Variants in KAZN observed in about 807,000 individuals in gnomAD.
The protein encoded by KAZN is kazrin.
KAZN carries 40 observed loss-of-function variants against 87.4 expected under a neutral mutation model. The ratio of observed to expected loss-of-function variants is 0.46; its 90% CI spans 0.36 to 0.60. The LOEUF (loss-of-function observed/expected upper bound fraction) is 0.60, where lower values mean the gene tolerates loss of function less well. KAZN is among the 20% of genes least tolerant of loss of function. The pLI, the probability that KAZN is intolerant of heterozygous loss-of-function variation, is 0.00. For missense variants in KAZN, 898 were observed against 1,073.9 expected, an observed-to-expected ratio of 0.84 and a Z score of 2.29; for synonymous variants, 466 against 458.3, an observed-to-expected ratio of 1.02 and a Z score of -0.22.
chr1:15,110,418 C>T (rs1244243291), intron 13 of KAZN, among the ~76,000 whole-genome samples: 1 of 128,530 alleles, frequency 7.8e-6, no homozygotes, highest in African/African-American at 2.8e-5. Flanking sequence ...TTTGTGTGTG[C>T]GCATATGTGT....
At chr1:14,395,007 A>ACT (rs1662775527) in intron 2 of KAZN, among the ~76,000 whole-genome samples, 1 of 152,180 alleles carries the variant, frequency 6.6e-6, no homozygotes, top group Non-Finnish European at 1.5e-5. Flanking sequence ...AGACTGCCTA[A>ACT]CTCACCTCTG....
At chr1:13,954,580 T>C (rs969287581) in intron 1 of KAZN, among the ~76,000 whole-genome samples, 4 of 151,832 alleles carry the variant, frequency 2.6e-5, no homozygotes, top group African/African-American at 7.3e-5. Flanking sequence ...TGTTCATGCA[T>C]GTCAACTCAT....
intron 2 of KAZN, among the ~76,000 whole-genome samples, chr1:14,542,795 C>T (rs1195626541): frequency 6.6e-6 from 1 of 152,174 alleles, no homozygotes; most frequent in Non-Finnish European, 1.5e-5. Flanking sequence ...ACTTCAGTGT[C>T]GACTCACCCC....
In KAZN at chr1:15,081,509, G is replaced by A. The variant is rs539032024; in HGVS notation, c.1223-12671G>A. Reference sequence around the variant, plus strand: ...TCATCGAATAATTACACAACTGTTCGTTTCAGCTGTGAGAGATGTCATGCA... The same window carrying A: ...TCATCGAATAATTACACAACTGTTCATTTCAGCTGTGAGAGATGTCATGCA... On this transcript the variant is annotated intron_variant, in intron 8 of 14. Coordinates refer to ENST00000376030, the MANE Select transcript of KAZN (RefSeq NM_201628.3). The surrounding 1 kb of genome is among the most constrained non-coding windows in gnomAD (Gnocchi z 4.1). 6.6e-5 allele frequency among the ~76,000 whole-genome samples: 10 copies of A among 152,268 alleles called. No homozygotes were observed. The highest frequency in any genetic ancestry group is 2.1e-4 in the South Asian group (1 of 4,806).
chr1:15,005,822 G>A (rs569576224), intron 2 of KAZN, among the ~76,000 whole-genome samples: 1 of 152,180 alleles, frequency 6.6e-6, no homozygotes, highest in African/African-American at 2.4e-5. Flanking sequence ...AACCTAAAGG[G>A]CATTAGTGTT....
chr1:14,028,551 G>A (rs1570564801), intron 1 of KAZN, among the ~76,000 whole-genome samples: 2 of 152,210 alleles, frequency 1.3e-5, no homozygotes, highest in East Asian at 1.9e-4. Context: ...AGCTGGGTTA[G>A]AGCTGAGACA....
intron 2 of KAZN, among the ~76,000 whole-genome samples, chr1:14,550,926 C>G (rs1673478938): frequency 6.6e-6 from 1 of 151,570 alleles, no homozygotes; most frequent in Admixed American, 6.6e-5. Flanking sequence ...GACAACTCTT[C>G]TCCCCGGCAG....
intron 1 of KAZN, among the ~76,000 whole-genome samples, chr1:14,623,984 G>A (rs560781367): frequency 1.3e-5 from 2 of 152,016 alleles, no homozygotes; most frequent in African/African-American, 4.8e-5. Flanking sequence ...ATCATTCCAC[G>A]TGCCCTTGAA....
chr1:14,826,100 G>T (rs954181862), intron 1 of KAZN, among the ~76,000 whole-genome samples: 44 of 152,154 alleles, frequency 2.9e-4, no homozygotes, highest in Admixed American at 2.9e-3. Context: ...CATGCTGGCC[G>T]CTGAGTCCCC....
chr1:15,103,372 G>T lies in KAZN; in HGVS notation c.1793G>T (p.Arg598Leu). The T allele has an allele frequency of 6.4e-7, 1 of 1,551,524 alleles. No homozygotes were observed. Among genetic ancestry groups the T allele is most frequent in the Non-Finnish European group, 8.7e-7 (1 of 1,147,010 alleles). The change falls in exon 12 of 15, where the codon CGC (arginine) becomes CTC (leucine). Residue 598 changes from arginine to leucine, a missense_variant. Arg to Leu is a moderately radical substitution (Grantham distance 102). This residue lies in a region of KAZN where 521 missense variants were observed against 689.4 expected (regional missense o/e 0.76). Coordinates refer to ENST00000376030, the MANE Select transcript of KAZN (RefSeq NM_201628.3). Reference protein sequence around the residue: ...VNFSREALQERRARCETQNID... With the variant: ...VNFSREALQELRARCETQNID... ...TCTCCCCACAAGGCCCTCCAGGAGCGCCGGGCCCGCTGCGAGACGCAGAAC... is the reference window on the plus strand; with the variant it reads ...TCTCCCCACAAGGCCCTCCAGGAGCTCCGGGCCCGCTGCGAGACGCAGAAC...
At chr1:14,175,260 C>T (rs1157304252) in intron 1 of KAZN, among the ~76,000 whole-genome samples, 1 of 152,188 alleles carries the variant, frequency 6.6e-6, no homozygotes, top group African/African-American at 2.4e-5. Flanking sequence ...CCTGCCACTA[C>T]GCCTGGCTGA....
At chr1:14,205,957 C>T (rs1012492776) in intron 2 of KAZN, among the ~76,000 whole-genome samples, 18 of 142,930 alleles carry the variant, frequency 1.3e-4, no homozygotes, top group Non-Finnish European at 2.4e-4. Context: ...ACCAACGTGG[C>T]GCATGTATAC....
In KAZN at chr1:14,180,006, A is replaced by G. The variant is rs1256783603; in HGVS notation, c.92-429A>G. On this transcript the variant is annotated intron_variant, in intron 1 of 16. Transcript: ENST00000636203. ...CAGAGGCCATCTGCTTAGAGGTACA[A>G]TAGCCAACTGTATTACCATAAATGT... Among the ~76,000 whole-genome samples the G allele has an allele frequency of 2.0e-5, 3 of 152,226 alleles. No homozygotes were observed. The South Asian group carries it at 6.2e-4, about 31-fold the overall frequency.
chr1:14,083,146 C>T (rs12726407), intron 1 of KAZN, among the ~76,000 whole-genome samples: 14,695 of 152,262 alleles, frequency 0.097, 904 homozygotes, highest in East Asian at 0.13. Context: ...GGGAACAAAA[C>T]CTAATTGTCC....
intron 13 of KAZN, among the ~76,000 whole-genome samples, chr1:15,106,565 G>A (rs1641302167): frequency 6.6e-6 from 1 of 152,148 alleles, no homozygotes; most frequent in South Asian, 2.1e-4. Flanking sequence ...GGGACAAATA[G>A]GGTGGGTTCT....
At chr1:15,004,939 A>G (rs1309584895) in intron 2 of KAZN, among the ~76,000 whole-genome samples, 1 of 152,188 alleles carries the variant, frequency 6.6e-6, no homozygotes, top group African/African-American at 2.4e-5. Context: ...GGCACCTGAG[A>G]ATCGACTTTT....
chr1:14,798,185 G>A (rs1626210), intron 1 of KAZN, among the ~76,000 whole-genome samples: 88,558 of 151,956 alleles, frequency 0.58, 25,877 homozygotes, highest in East Asian at 0.73. Context: ...GCCTGGCACT[G>A]GAGCATCAAT....
intron 1 of KAZN, among the ~76,000 whole-genome samples, chr1:13,948,291 C>G (rs1641218983): frequency 1.3e-5 from 2 of 152,150 alleles, no homozygotes; most frequent in Non-Finnish European, 2.9e-5. Flanking sequence ...AGGGCAGGAC[C>G]AGGTGGAGAT....
chr1:14,160,681 C>T (rs1195225379), intron 1 of KAZN, among the ~76,000 whole-genome samples: 1 of 152,146 alleles, frequency 6.6e-6, no homozygotes, highest in African/African-American at 2.4e-5. Context: ...CCATCTTGTT[C>T]TGCCCCCTGC....
Sources: gnomAD v4.1 joint callset for allele counts (sites outside exome capture counted in the v4.1 genomes callset) on GRCh38, gnomAD v4.1.1 for gene constraint, gnomAD v4.1.1 regional missense constraint, Gnocchi (gnomAD v3.1) non-coding constraint, MANE v1.5 for transcripts, NCBI Gene and HGNC (gene_info 2026-07-23, HGNC 2026-07-21) for gene names.